Variants in SCMH1 observed in about 807,000 individuals in gnomAD.
SCMH1 encodes polycomb protein SCMH1.
In SCMH1, 37 loss-of-function variants were observed where a neutral mutation model predicts 70.8. The observed-to-expected ratio is 0.52, with a 90% CI of 0.40 to 0.69. The LOEUF (loss-of-function observed/expected upper bound fraction) is 0.69. SCMH1 is among the 30% of genes least tolerant of loss of function. SCMH1 has a pLI of 0.00. For synonymous variants in SCMH1, 292 were observed against 307.4 expected (o/e 0.95, Z 0.52); for missense variants, 607 against 827.3 (o/e 0.73, Z 3.27).
chr1:41,169,880 G>C (rs1177189925), intron 2 of SCMH1, among the ~76,000 whole-genome samples: 2 of 152,170 alleles, frequency 1.3e-5, no homozygotes, highest in Admixed American at 1.3e-4. Flanking sequence ...CCAGAGCTGA[G>C]AGTTTTAGGA....
chr1:41,058,142 G>GA (rs1456675429), intron 10 of SCMH1, among the ~76,000 whole-genome samples: 1 of 131,190 alleles, frequency 7.6e-6, no homozygotes, highest in Admixed American at 7.6e-5. Context: ...AAAAGAAAAA[G>GA]AAAAAAAATG....
chr1:41,057,858 G>A (rs1650977768), intron 10 of SCMH1, among the ~76,000 whole-genome samples: 1 of 152,112 alleles, frequency 6.6e-6, no homozygotes, highest in Non-Finnish European at 1.5e-5. Flanking sequence ...TGGGTACAGT[G>A]GCTCACACCT....
At chr1:41,074,533 C>T (rs933007358) in intron 9 of SCMH1, among the ~76,000 whole-genome samples, 4 of 151,614 alleles carry the variant, frequency 2.6e-5, no homozygotes, top group Admixed American at 2.6e-4. Context: ...TACATTCAAC[C>T]TGAAAAAGCT....
intron 2 of SCMH1, among the ~76,000 whole-genome samples, chr1:41,184,739 C>T (rs1246687177): frequency 2.0e-5 from 3 of 151,986 alleles, no homozygotes; most frequent in African/African-American, 7.3e-5. Flanking sequence ...GCTGAATGAC[C>T]ACTTTTCACC....
chr1:41,197,831 G>A (rs932779537), intron 1 of SCMH1, among the ~76,000 whole-genome samples: 2 of 152,270 alleles, frequency 1.3e-5, no homozygotes, highest in Non-Finnish European at 2.9e-5. Flanking sequence ...CTTTTCCTGG[G>A]TAGTCCTAGA....
intron 1 of SCMH1, 28 bp from the exon 2 acceptor site, chr1:41,186,278 G>A (rs1650168041): frequency 2.0e-5 from 12 of 604,258 alleles, no homozygotes; most frequent in Non-Finnish European, 3.7e-5. Context: ...GGGGAGGAAG[G>A]AGAAGAACAT....
At chr1:41,177,397 T>C (rs989941822) in intron 2 of SCMH1, among the ~76,000 whole-genome samples, 1 of 152,136 alleles carries the variant, frequency 6.6e-6, no homozygotes, top group African/African-American at 2.4e-5. Flanking sequence ...AGAGAATGAC[T>C]TTGATGAGTT....
rs538312776 is a variant in SCMH1, at chr1:41,091,666, T to A, written c.746-16215A>T. Among the ~76,000 whole-genome samples, 119 of 152,338 alleles carry A rather than the reference T, an allele frequency of 7.8e-4. 1 individual carries two copies. In the East Asian group the frequency reaches 0.022, roughly 28 times the overall value. Reference sequence around the variant, plus strand: ...ATCTCAGCCCAAAATCTCCTTAAGCTGATACGCAACTTCAGCAAAGTCTCA... The same window carrying A: ...ATCTCAGCCCAAAATCTCCTTAAGCAGATACGCAACTTCAGCAAAGTCTCA... On this transcript the variant is annotated intron_variant, in intron 8 of 14. Coordinates refer to ENST00000337495, the Ensembl canonical transcript of SCMH1.
intron 13 of SCMH1, among the ~76,000 whole-genome samples, chr1:41,034,327 C>CT (rs1362662272): frequency 3.3e-5 from 5 of 151,470 alleles, no homozygotes; most frequent in African/African-American, 1.2e-4. Flanking sequence ...TTTTTCTTTT[C>CT]TTTTCTTTTT....
chr1:41,174,502 T>C (rs1359520920), intron 2 of SCMH1, among the ~76,000 whole-genome samples: 8 of 152,116 alleles, frequency 5.3e-5, no homozygotes. Flanking sequence ...AATGGATAAC[T>C]ACAAAAATGC....
chr1:41,163,177 T>A (rs1380250373), intron 2 of SCMH1, among the ~76,000 whole-genome samples: 2 of 152,138 alleles, frequency 1.3e-5, no homozygotes, highest in Admixed American at 1.3e-4. Context: ...CCAGGGAAGC[T>A]GCTTGTGGTG....
chr1:41,193,293 T>G (rs1443347947), intron 1 of SCMH1, among the ~76,000 whole-genome samples: 1 of 152,212 alleles, frequency 6.6e-6, no homozygotes, highest in Non-Finnish European at 1.5e-5. Flanking sequence ...ATTTTATTCA[T>G]TAAACAAAAT....
intron 5 of SCMH1, among the ~76,000 whole-genome samples, chr1:41,146,242 AT>A (rs1307185996): frequency 6.6e-6 from 1 of 152,042 alleles, no homozygotes; most frequent in Non-Finnish European, 1.5e-5. Flanking sequence ...ATTAAAAATT[AT>A]TTTTCTACAG....
chr1:41,201,318 A>G (rs1654306897), intron 1 of SCMH1, among the ~76,000 whole-genome samples: 1 of 152,200 alleles, frequency 6.6e-6, no homozygotes, highest in South Asian at 2.1e-4. Flanking sequence ...AGAAACTGAG[A>G]TGAAAGATCT....
At chr1:41,201,138 T>C (rs1654268102) in intron 1 of SCMH1, among the ~76,000 whole-genome samples, 1 of 152,190 alleles carries the variant, frequency 6.6e-6, no homozygotes, top group African/African-American at 2.4e-5. Flanking sequence ...AATAAAGTAA[T>C]TTGAACTTGA....
At chr1:41,116,443 G>C (rs1670486949) in intron 7 of SCMH1, among the ~76,000 whole-genome samples, 1 of 152,170 alleles carries the variant, frequency 6.6e-6, no homozygotes, top group East Asian at 1.9e-4. Context: ...TAATTCAAAA[G>C]TATTTGTTTC....
intron 9 of SCMH1, among the ~76,000 whole-genome samples, chr1:41,071,894 G>T (rs774686673): frequency 3.3e-5 from 5 of 152,140 alleles, no homozygotes; most frequent in Non-Finnish European, 7.4e-5. Context: ...AACTTCTCCT[G>T]CTCAAGCGAT....
At chr1:41,195,871 G>C (rs76392137) in intron 1 of SCMH1, among the ~76,000 whole-genome samples, 1,959 of 152,148 alleles carry the variant, frequency 0.013, 40 homozygotes, top group African/African-American at 0.045. Flanking sequence ...GCAAAGTTGC[G>C]GGATACAAAG....
chr1:41,205,595 A>G (rs185470675), intron 1 of SCMH1, among the ~76,000 whole-genome samples: 1 of 152,346 alleles, frequency 6.6e-6, no homozygotes, highest in Non-Finnish European at 1.5e-5. Context: ...GGAAGCTCGA[A>G]CTGGGCAGAG....
Sources: allele counts gnomAD v4.1 joint callset (sites outside exome capture counted in the v4.1 genomes callset), GRCh38; gene constraint gnomAD v4.1.1; transcripts MANE v1.5; gene names NCBI Gene and HGNC (gene_info 2026-07-23, HGNC 2026-07-21).